Variants in EPHA5 observed in about 807,000 individuals in gnomAD.
EPHA5 encodes ephrin type-A receptor 5.
In EPHA5, 60 loss-of-function variants were observed where a neutral mutation model predicts 105.0. The observed-to-expected ratio is 0.57, with a 90% CI of 0.46 to 0.71. EPHA5 has a LOEUF of 0.71. EPHA5 is among the 30% of genes least tolerant of loss of function. EPHA5 has a pLI of 0.00. For missense variants in EPHA5, 1,218 were observed against 1,274.7 expected, an observed-to-expected ratio of 0.96 and a Z score of 0.68; for synonymous variants, 513 against 449.1, an observed-to-expected ratio of 1.14 and a Z score of -1.80.
At chr4:65,642,157 G>A (rs906064352) in intron 2 of EPHA5, among the ~76,000 whole-genome samples, 8 of 151,726 alleles carry the variant, frequency 5.3e-5, no homozygotes, top group Non-Finnish European at 1.0e-4. Flanking sequence ...CAGCACATCA[G>A]CCATCCTCTC....
At chr4:65,476,236 A>T (rs1002148692) in intron 5 of EPHA5, among the ~76,000 whole-genome samples, 3 of 151,996 alleles carry the variant, frequency 2.0e-5, no homozygotes, top group African/African-American at 2.4e-5. Flanking sequence ...ATGAAAATGC[A>T]TTGTAACAAA....
At chr4:65,433,498 C>T (rs1323413914) in intron 5 of EPHA5, among the ~76,000 whole-genome samples, 1 of 152,044 alleles carries the variant, frequency 6.6e-6, no homozygotes, top group Non-Finnish European at 1.5e-5. Context: ...TTCTATTCAC[C>T]CAGAAACTCA....
At position 65,335,945 on chromosome 4, in the gene EPHA5, T is replaced by A. The variant is rs749181385; in HGVS notation, c.2776A>T (p.Asn926Tyr). Residue 926 changes from asparagine (N) to tyrosine (Y), a missense_variant, in exon 15 of 17, where the codon AAT (asparagine) becomes TAT (tyrosine). Physicochemically the swap from Asn to Tyr is moderately radical, Grantham distance 143. Transcript: ENST00000613740. ...RNPSSLKTLV[N>Y]ASCRVSNLLA... Reference sequence around the variant, plus strand: ...CTGGCCTTGTACCTGCAGGATGCATTAACCAGCGTCTTCAGACTACTTGGG... The same window carrying A: ...CTGGCCTTGTACCTGCAGGATGCATAAACCAGCGTCTTCAGACTACTTGGG... 1 of 1,611,030 alleles carries A rather than the reference T, an allele frequency of 6.2e-7. No homozygotes were observed. The highest frequency in any genetic ancestry group is 8.5e-7 in the Non-Finnish European group (1 of 1,178,318).
intron 8 of EPHA5, among the ~76,000 whole-genome samples, chr4:65,401,364 T>G (rs1409069130): frequency 6.6e-6 from 1 of 152,046 alleles, no homozygotes; most frequent in Non-Finnish European, 1.5e-5. Context: ...ATAGAAAAAG[T>G]CTTTCAAGAA....
At chr4:65,617,574 A>G (rs1027603556) in intron 2 of EPHA5, among the ~76,000 whole-genome samples, 11 of 152,146 alleles carry the variant, frequency 7.2e-5, no homozygotes, top group African/African-American at 2.4e-4. Context: ...TCCTTTTCCT[A>G]GAAGTAATTT....
At chr4:65,509,430 C>T (rs902697708) in intron 3 of EPHA5, among the ~76,000 whole-genome samples, 4 of 152,088 alleles carry the variant, frequency 2.6e-5, no homozygotes, top group Admixed American at 6.6e-5. Context: ...TTTCAAAACC[C>T]GAATGGGTCT....
intron 1 of EPHA5, among the ~76,000 whole-genome samples, chr4:65,661,394 A>ATTGT (rs1018156223): frequency 5.3e-5 from 8 of 152,228 alleles, no homozygotes; most frequent in African/African-American, 1.9e-4. Flanking sequence ...TGTTGTTGTT[A>ATTGT]TTGTTGCCTT....
chr4:65,466,779 G>A (rs1166754817), intron 5 of EPHA5, among the ~76,000 whole-genome samples: 2 of 152,182 alleles, frequency 1.3e-5, no homozygotes, highest in African/African-American at 2.4e-5. Context: ...CATTACCTGG[G>A]AATATCTGAT....
At chr4:65,342,126 A>G (rs1397280537) in intron 14 of EPHA5, among the ~76,000 whole-genome samples, 2 of 151,242 alleles carry the variant, frequency 1.3e-5, no homozygotes, top group Non-Finnish European at 2.9e-5. Context: ...AGAGTTGTAG[A>G]ATCCAAGATG....
At chr4:65,549,883 A>G (rs1560683319) in intron 3 of EPHA5, among the ~76,000 whole-genome samples, 1 of 152,126 alleles carries the variant, frequency 6.6e-6, no homozygotes, top group East Asian at 1.9e-4. Context: ...TCCTGCTAAG[A>G]TTGATAATGG....
chr4:65,388,993 T>C (rs1720424858), intron 8 of EPHA5, among the ~76,000 whole-genome samples: 1 of 152,090 alleles, frequency 6.6e-6, no homozygotes, highest in African/African-American at 2.4e-5. Context: ...ACTTATCATG[T>C]AAATATTGAA....
intron 3 of EPHA5, among the ~76,000 whole-genome samples, chr4:65,592,086 G>A (rs866245336): frequency 2.0e-5 from 3 of 151,868 alleles, no homozygotes; most frequent in Admixed American, 1.3e-4. Flanking sequence ...TTTAGAATTC[G>A]TGAGTTTTCA....
intron 3 of EPHA5, among the ~76,000 whole-genome samples, chr4:65,513,899 A>G (rs1733862929): frequency 6.6e-6 from 1 of 152,116 alleles, no homozygotes; most frequent in African/African-American, 2.4e-5. Flanking sequence ...TCCTCTTTGT[A>G]TAACTTTGTA....
rs1721176341 is a variant in EPHA5, at chr4:65,336,256, CTT to C, written c.2596-133_2596-132del. On this transcript the variant is annotated intron_variant, in intron 14 of 16. Coordinates refer to ENST00000613740, the MANE Select transcript of EPHA5 (RefSeq NM_001281766.3). ...TTGCAATAACAACTAGCATTACTGT[CTT>C]TAAAATCCACGGCTATTTCCATTTG... 10 of 529,852 alleles carry C rather than the reference CTT, an allele frequency of 1.9e-5. No individual in the cohort carries two copies. The South Asian group carries it at 6.2e-4, about 33-fold the overall frequency. The allele number at this position is 529,852 out of a possible 1,614,324, so 32.8% of individuals were successfully genotyped here.
At chr4:65,387,235 G>GC (rs1191702736) in intron 8 of EPHA5, among the ~76,000 whole-genome samples, 1 of 151,896 alleles carries the variant, frequency 6.6e-6, no homozygotes, top group Admixed American at 6.6e-5. Context: ...AGACTTCCAA[G>GC]CTGGGTTATT....
chr4:65,559,440 A>G (rs996199663), intron 3 of EPHA5, among the ~76,000 whole-genome samples: 1 of 152,128 alleles, frequency 6.6e-6, no homozygotes, highest in African/African-American at 2.4e-5. Flanking sequence ...CTGAGGGTGC[A>G]CTCTGCAAGT....
intron 3 of EPHA5, among the ~76,000 whole-genome samples, chr4:65,505,298 TCATCTTGACA>T (rs1160355214): frequency 6.6e-6 from 1 of 152,048 alleles, no homozygotes; most frequent in Non-Finnish European, 1.5e-5. Flanking sequence ...GAATGAGAGT[TCATCTTGACA>T]CAAACATACT....
chr4:65,404,411 A>T lies in EPHA5; in HGVS notation c.1756T>A (p.Leu586Met). The T allele has an allele frequency of 6.2e-7, 1 of 1,613,766 alleles. No homozygotes were observed. Among genetic ancestry groups the T allele is most frequent in the Non-Finnish European group, 8.5e-7 (1 of 1,179,792 alleles). ...AGGACGCCGATAACCACTGCCAACA[A>T]AATGACTCCCACTGTCACAGACACA... Reference protein sequence around the residue: ...IAVSVTVGVILLAVVIGVLLS... With the variant: ...IAVSVTVGVIMLAVVIGVLLS... Residue 586 changes from leucine to methionine, a missense_variant, in exon 8 of 17, where the codon TTG (leucine) becomes ATG (methionine). Transcript: ENST00000613740.
At chr4:65,378,554 C>A (rs1173573406) in intron 8 of EPHA5, among the ~76,000 whole-genome samples, 1 of 151,954 alleles carries the variant, frequency 6.6e-6, no homozygotes, top group Non-Finnish European at 1.5e-5. Context: ...AGGGCCAAAT[C>A]CAGTTCACTA....
Sources: gnomAD v4.1 joint callset for allele counts (sites outside exome capture counted in the v4.1 genomes callset) on GRCh38, gnomAD v4.1.1 for gene constraint, MANE v1.5 for transcripts, NCBI Gene and HGNC (gene_info 2026-07-23, HGNC 2026-07-21) for gene names.